ESPN: variants seen among roughly 807,000 people sequenced by gnomAD.
ESPN encodes the protein espin.
Under a neutral mutation model 77.7 loss-of-function variants are expected in ESPN, and 68 were observed. The ratio of observed to expected loss-of-function variants is 0.87; its 90% CI spans 0.72 to 1.07. The LOEUF is 1.07. Among genes scored for constraint, ESPN ranks in the 50% least tolerant of loss-of-function variants. The pLI, the probability that ESPN is intolerant of heterozygous loss-of-function variation, is 0.00. For missense variants in ESPN, 1,060 were observed against 1,239.0 expected (o/e 0.86, Z 2.17); for synonymous variants, 449 against 567.1 (o/e 0.79, Z 2.96).
rs559651545 is a variant in ESPN, at chr1:6,459,196, G to A, written c.2418-803G>A. 9.5e-4 allele frequency among the ~76,000 whole-genome samples: 144 copies of A among 151,790 alleles called. 5 individuals carry two copies. The South Asian group carries it at 0.026, about 28-fold the overall frequency. On this transcript the variant is annotated intron_variant, in intron 12 of 12. Transcript: ENST00000645284. ...GTGGAGGTTGCAGTGAGCCGAGATC[G>A]TGCCACTGCACTCCAGCCTGGGTGA...
chr1:6,428,376 G>A lies in ESPN; in HGVS notation c.445G>A (p.Gly149Arg). 5.0e-6 allele frequency: 8 copies of A among 1,612,972 alleles called. No individual in the cohort carries two copies. The highest frequency in any genetic ancestry group is 5.9e-6 in the Non-Finnish European group (7 of 1,179,678). The change falls in exon 2 of 13, where the codon GGA becomes AGA. Residue 149 changes from glycine (G) to arginine (R), a missense_variant. By Grantham distance (125) the Gly-to-Arg change is moderately radical. Transcript: ENST00000645284. The surrounding 1 kb of genome is among the most constrained non-coding windows in gnomAD (Gnocchi z 5.4). ...GCCTATCCACTACGCTGCCGCCAAA[G>A]GAGACTTCCCCTCCCTGAGGCTTCT... ...ALPIHYAAAKGDFPSLRLLVE... is the reference protein window; with the variant it reads ...ALPIHYAAAKRDFPSLRLLVE...
At position 6,450,345 on chromosome 1, in the gene ESPN, C is replaced by T. The variant is rs763155761; in HGVS notation, c.1915+1254C>T. On this transcript the variant is annotated intron_variant, in intron 8 of 12. Coordinates refer to ENST00000645284, the MANE Select transcript of ESPN (RefSeq NM_031475.3). The surrounding 1 kb of genome is among the most constrained non-coding windows in gnomAD (Gnocchi z 4.3). The stretch of plus-strand genomic sequence containing the variant: ...CTCTCTTCTCCACTTCCCCCCCGCC[C>T]GCTCTCCCTGGCCCGCTCCCTGTCC... 798 of 295,864 alleles carry T rather than the reference C, an allele frequency of 2.7e-3. 8 individuals are homozygous for T. Among genetic ancestry groups the T allele is most frequent in the African/African-American group, 0.017 (762 of 44,036 alleles). 18.3% of individuals were successfully genotyped at this position (295,864 alleles called of 1,614,324 possible). A position where few individuals can be genotyped will look rare whatever the true frequency, so the allele number is the denominator to read the frequency against.
In ESPN at chr1:6,451,892, G is replaced by A. The variant is rs376431619; in HGVS notation, c.2121G>A (p.Pro707=). The change falls in exon 10 of 13, where the codon CCG becomes CCA. Residue 707 remains proline (P), a synonymous_variant. Coordinates refer to ENST00000645284, the MANE Select transcript of ESPN (RefSeq NM_031475.3). The surrounding 1 kb of genome is among the most constrained non-coding windows in gnomAD (Gnocchi z 4.3). Reference sequence around the variant, plus strand: ...TGTCACCAGTCCGGAGCCCCACACCGCCAGCTGCGGGGTTTCAGCCGCTGC... The same window carrying A: ...TGTCACCAGTCCGGAGCCCCACACCACCAGCTGCGGGGTTTCAGCCGCTGC... The part of the protein sequence containing the change: ...PALSPVRSPT[P]PAAGFQPLLN... 1.8e-5 allele frequency: 29 copies of A among 1,610,482 alleles called. No individual in the cohort carries two copies. The highest frequency in any genetic ancestry group is 1.7e-4 in the Middle Eastern group (1 of 6,020).
intron 10 of ESPN, among the ~76,000 whole-genome samples, chr1:6,453,855 G>C (rs1461494804): frequency 1.3e-5 from 2 of 152,130 alleles, no homozygotes; most frequent in East Asian, 1.9e-4. Flanking sequence ...AGAATATTAC[G>C]GTGCCCAGCT....
intron 10 of ESPN, 117 bp downstream of exon 10, chr1:6,452,213 TTC>T: frequency 2.4e-6 from 3 of 1,259,138 alleles, no homozygotes; most frequent in Middle Eastern, 2.8e-4. Flanking sequence ...TTTTTTTTTT[TTC>T]TTTTCTTGAG....
chr1:6,446,401 G>C (rs920863911), intron 7 of ESPN, among the ~76,000 whole-genome samples: 2 of 152,180 alleles, frequency 1.3e-5, no homozygotes, highest in Non-Finnish European at 2.9e-5. Flanking sequence ...GAAGGAGGGT[G>C]GGGGGAAGGT....
In ESPN at chr1:6,451,800, C is replaced by T. The variant is rs774597776; in HGVS notation, c.2062-33C>T. The T allele has an allele frequency of 1.4e-5, 22 of 1,610,042 alleles. No homozygotes were observed. The highest frequency in any genetic ancestry group is 1.8e-5 in the Non-Finnish European group (21 of 1,179,022). On this transcript the variant is annotated intron_variant, in intron 9 of 12. Coordinates refer to ENST00000645284, the MANE Select transcript of ESPN (RefSeq NM_031475.3). The surrounding 1 kb of genome is among the most constrained non-coding windows in gnomAD (Gnocchi z 4.3). ...ACCCGGCTTCCCTGGCCCTAGGCCA[C>T]CGGGCGCTCAGCCCCACCGCTTCTC... is the stretch of plus-strand genomic sequence containing the variant.
At chr1:6,454,439 G>T (rs1455845187) in intron 10 of ESPN, 1 of 398,812 alleles carries the variant, frequency 2.5e-6, no homozygotes, top group South Asian at 1.3e-4. Flanking sequence ...CTTAGCTGAC[G>T]GCCGCCAGCT....
At position 6,457,347 on chromosome 1, in the gene ESPN, CT is replaced by C. The variant is rs1405120383; in HGVS notation, c.2406-9del. ...GTGGAGGTACCAAGTGACACTGTCT[CT>C]TTTTCCTTCCAGGGAGCAGAAGCGG... On this transcript the variant is annotated splice_polypyrimidine_tract_variant and intron_variant, in intron 11 of 12. Coordinates refer to ENST00000645284, the MANE Select transcript of ESPN (RefSeq NM_031475.3). 3.1e-6 allele frequency: 5 copies of C among 1,614,084 alleles called. No individual in the cohort carries two copies. The highest frequency in any genetic ancestry group is 4.2e-6 in the Non-Finnish European group (5 of 1,180,034).
rs763684277 is a variant in ESPN, at chr1:6,451,290, G to A, written c.1916-313G>A. ...ATTCCAGGTAGTGTTTTGGAGCTGG[G>A]CAGTCAGTGGCTGGGCGGGGACATA... On this transcript the variant is annotated intron_variant, in intron 8 of 12. Transcript: ENST00000645284. This position sits in a 1 kb window ranked among gnomAD's most constrained non-coding sequence, Gnocchi z 4.3. The A allele has an allele frequency of 8.8e-6, 4 of 457,034 alleles. No homozygotes were observed. The highest frequency in any genetic ancestry group is 4.0e-5 in the African/African-American group (2 of 50,452). 28.3% of individuals were successfully genotyped at this position (457,034 alleles called of 1,614,324 possible).
chr1:6,454,457 C>G (rs1644013059), intron 10 of ESPN: 1 of 399,004 alleles, frequency 2.5e-6, no homozygotes, highest in Non-Finnish European at 4.4e-6. Context: ...GCTCGTGCTG[C>G]TACCCCCGCG....
At chr1:6,432,466 AGGGCCT>A (rs1284663245) in intron 2 of ESPN, among the ~76,000 whole-genome samples, 2 of 152,200 alleles carry the variant, frequency 1.3e-5, no homozygotes, top group Non-Finnish European at 2.9e-5. Context: ...TGGGAAAGGA[AGGGCCT>A]GGTGGAGTCC....
intron 2 of ESPN, among the ~76,000 whole-genome samples, chr1:6,436,924 C>T (rs1643459536): frequency 1.3e-5 from 2 of 152,160 alleles, no homozygotes; most frequent in African/African-American, 4.8e-5. Context: ...TCCCCTCCCC[C>T]GCAGCCCAAC....
chr1:6,441,993 G>A (rs562106959), intron 5 of ESPN, among the ~76,000 whole-genome samples: 1 of 152,330 alleles, frequency 6.6e-6, no homozygotes, highest in Non-Finnish European at 1.5e-5. Flanking sequence ...AGAATGAATG[G>A]CCCAGCAGGT....
intron 12 of ESPN, 110 bp from the exon 13 acceptor site, chr1:6,459,889 C>G: frequency 7.2e-7 from 1 of 1,387,306 alleles, no homozygotes; most frequent in Non-Finnish European, 1.0e-6. Flanking sequence ...GTAACCCACC[C>G]CTTGCATGGG....
At chr1:6,440,878 G>A in intron 4 of ESPN, 56 bp from the exon 5 acceptor site, 1 of 1,534,544 alleles carries the variant, frequency 6.5e-7, no homozygotes, top group Non-Finnish European at 8.8e-7. Context: ...GCCCTGCCCG[G>A]GCGCGGGGGT....
chr1:6,441,865 C>A (rs556734824), intron 5 of ESPN, among the ~76,000 whole-genome samples: 1 of 152,188 alleles, frequency 6.6e-6, no homozygotes, highest in East Asian at 1.9e-4. Context: ...GCCCTCCCCC[C>A]CCCAGCACAG....
rs1351557492 is a variant in ESPN, at chr1:6,440,539, GGGGGCGGGCCACGGAGGTACAGGGGGC to G, written c.676-83_676-57del. On this transcript the variant is annotated intron_variant, in intron 3 of 12. Transcript: ENST00000645284. ...GCCATCAGGGGTGGGGCGGGGGGGC[GGGGGCGGGCCACGGAGGTACAGGGGGC>G]GGGCCTACAGGGGCCTGGCGCCCAG... is the stretch of plus-strand genomic sequence containing the variant. 47 of 773,298 alleles carry G rather than the reference GGGGGCGGGCCACGGAGGTACAGGGGGC, an allele frequency of 6.1e-5. No homozygotes were observed. In the African/African-American group the frequency reaches 1.2e-3, roughly 19 times the overall value. 47.9% of individuals were successfully genotyped at this position (773,298 alleles called of 1,614,324 possible).
At chr1:6,452,399 G>T (rs1643965523) in intron 10 of ESPN, among the ~76,000 whole-genome samples, 1 of 151,962 alleles carries the variant, frequency 6.6e-6, no homozygotes, top group South Asian at 2.1e-4. Context: ...TAGAGACGGG[G>T]TTTCACTATG....
Sources: gnomAD v4.1 joint callset for allele counts (sites outside exome capture counted in the v4.1 genomes callset) on GRCh38, gnomAD v4.1.1 for gene constraint, Gnocchi (gnomAD v3.1) non-coding constraint, MANE v1.5 for transcripts, NCBI Gene and HGNC (gene_info 2026-07-23, HGNC 2026-07-21) for gene names.